Variants in SYT10 observed in about 807,000 individuals in gnomAD.
SYT10 encodes synaptotagmin-10.
A neutral mutation model predicts 51.1 loss-of-function variants in SYT10; 31 were observed. The ratio of observed to expected loss-of-function variants is 0.61; its 90% confidence interval spans 0.46 to 0.82. The LOEUF is 0.82. Ranked by LOEUF, SYT10 falls within the 40% of genes least tolerant of loss-of-function variation. SYT10 has a pLI of 0.00. For synonymous variants in SYT10, 233 were observed against 225.9 expected (o/e 1.03, Z -0.28); for missense variants, 603 against 634.0 (o/e 0.95, Z 0.53).
chr12:33,374,769 C>T lies in SYT10; in HGVS notation c.*2061G>A, dbSNP rs1432627409. ...AGAGTCTTCTGATTGGCCAATGGTT[C>T]ACATTTTTTCATCACAAGCATTGGC... is the stretch of plus-strand genomic sequence containing the variant. On this transcript the variant is annotated 3_prime_UTR_variant, in exon 7 of 7. Coordinates refer to ENST00000228567, the MANE Select transcript of SYT10 (RefSeq NM_198992.4). 3 of 151,844 alleles carry T rather than the reference C, an allele frequency of 2.0e-5. No individual in the cohort carries two copies. The highest frequency in any genetic ancestry group is 4.4e-5 in the Non-Finnish European group (3 of 67,848). The allele number at this position is 151,844 out of a possible 1,614,324, so 9.4% of individuals were successfully genotyped here.
At chr12:33,377,486 G>A (rs1866073224) in intron 6 of SYT10, among the ~76,000 whole-genome samples, 1 of 152,098 alleles carries the variant, frequency 6.6e-6, no homozygotes, top group Non-Finnish European at 1.5e-5. Flanking sequence ...AATGAGATGA[G>A]AACTGCGTTT....
intron 4 of SYT10, among the ~76,000 whole-genome samples, chr12:33,383,025 A>G (rs1377367790): frequency 6.6e-6 from 1 of 152,190 alleles, no homozygotes; most frequent in Non-Finnish European, 1.5e-5. Flanking sequence ...CGGGGGAAAA[A>G]TTTAGTTGGG....
intron 3 of SYT10, among the ~76,000 whole-genome samples, chr12:33,392,985 T>TAAAA (rs71068378): frequency 0.089 from 5,239 of 58,898 alleles, 353 homozygotes; most frequent in East Asian, 0.11. Flanking sequence ...TTTTTGCCAT[T>TAAAA]AAAAAAAAAA....
At chr12:33,394,431 C>A (rs1168722827) in intron 3 of SYT10, among the ~76,000 whole-genome samples, 1 of 152,110 alleles carries the variant, frequency 6.6e-6, no homozygotes, top group Non-Finnish European at 1.5e-5. Flanking sequence ...TTTAAGAAAT[C>A]TAAATATTAG....
At chr12:33,399,068 A>G (rs1479353438) in intron 3 of SYT10, among the ~76,000 whole-genome samples, 1 of 152,238 alleles carries the variant, frequency 6.6e-6, no homozygotes, top group Non-Finnish European at 1.5e-5. Flanking sequence ...TATAATCTTT[A>G]CCAGTACAAC....
At chr12:33,425,632 T>A (rs1022297800) in intron 2 of SYT10, among the ~76,000 whole-genome samples, 1 of 152,146 alleles carries the variant, frequency 6.6e-6, no homozygotes, top group African/African-American at 2.4e-5. Context: ...AAGTTTCATG[T>A]TTTTGGTATA....
intron 3 of SYT10, among the ~76,000 whole-genome samples, chr12:33,398,747 C>T (rs1591987096): frequency 6.6e-6 from 1 of 152,058 alleles, no homozygotes; most frequent in African/African-American, 2.4e-5. Context: ...TAAAATATAT[C>T]CTATGGCATA....
chr12:33,430,775 C>A (rs1405836158), intron 1 of SYT10, among the ~76,000 whole-genome samples: 1 of 152,062 alleles, frequency 6.6e-6, no homozygotes, highest in Admixed American at 6.6e-5. Flanking sequence ...TTGCTTATGG[C>A]ACCATTTCAT....
chr12:33,439,306 A>C, intron 1 of SYT10, 66 bp downstream of exon 1: 1 of 1,547,256 alleles, frequency 6.5e-7, no homozygotes, highest in Non-Finnish European at 8.7e-7. Flanking sequence ...AGAACCCCGG[A>C]GCTTGCAGCC....
intron 1 of SYT10, among the ~76,000 whole-genome samples, chr12:33,428,862 C>T (rs1274968866): frequency 8.1e-5 from 12 of 148,610 alleles, no homozygotes; most frequent in South Asian, 2.2e-4. Flanking sequence ...GCCGAGGTTG[C>T]GCCACTGCAC....
chr12:33,403,201 T>C (rs566375518), intron 3 of SYT10, among the ~76,000 whole-genome samples: 2 of 151,582 alleles, frequency 1.3e-5, no homozygotes, highest in Non-Finnish European at 2.9e-5. Flanking sequence ...AGAATATTTA[T>C]ATTTGTCATT....
At chr12:33,419,411 G>A (rs1440929430) in intron 2 of SYT10, among the ~76,000 whole-genome samples, 1 of 152,008 alleles carries the variant, frequency 6.6e-6, no homozygotes, top group Non-Finnish European at 1.5e-5. Context: ...TGACTAAATA[G>A]CAATTGAATA....
At chr12:33,419,076 G>A (rs1301095697) in intron 2 of SYT10, among the ~76,000 whole-genome samples, 2 of 151,986 alleles carry the variant, frequency 1.3e-5, no homozygotes, top group Non-Finnish European at 2.9e-5. Context: ...AGCCCTCCCA[G>A]ACTCCTCAAG....
At chr12:33,429,490 T>C (rs913222850) in intron 1 of SYT10, among the ~76,000 whole-genome samples, 11 of 152,242 alleles carry the variant, frequency 7.2e-5, no homozygotes, top group African/African-American at 2.7e-4. Flanking sequence ...AATAAAGTGA[T>C]ACTAGTCTGC....
intron 2 of SYT10, among the ~76,000 whole-genome samples, chr12:33,414,861 A>G (rs1246793983): frequency 6.6e-6 from 1 of 152,212 alleles, no homozygotes; most frequent in African/African-American, 2.4e-5. Flanking sequence ...TATAGTCAAC[A>G]TTAGTTGATG....
chr12:33,426,238 A>T lies in SYT10; in HGVS notation c.409T>A (p.Ser137Thr). 1 of 1,614,050 alleles carries T rather than the reference A, an allele frequency of 6.2e-7. No individual in the cohort carries two copies. Among genetic ancestry groups the T allele is most frequent in the Non-Finnish European group, 8.5e-7 (1 of 1,180,014 alleles). ...IEPAIKISHT[S>T]PDIPAEVQTA... is the part of the protein sequence containing the mutation. The stretch of plus-strand genomic sequence containing the variant: ...TGGACTTCTGCTGGGATGTCAGGGG[A>T]AGTGTGGCTGATTTTTATTGCAGGC... Residue 137 changes from serine (S) to threonine (T), a missense_variant, in exon 2 of 7, where the codon TCC becomes ACC. Transcript: ENST00000228567.
At chr12:33,426,013 C>T in intron 2 of SYT10, 125 bp downstream of exon 2, 1 of 948,850 alleles carries the variant, frequency 1.1e-6, no homozygotes, top group Non-Finnish European at 1.6e-6. Flanking sequence ...TTTCCCATTT[C>T]TCCTGTTTCT....
chr12:33,395,828 G>A (rs1866251064), intron 3 of SYT10, among the ~76,000 whole-genome samples: 1 of 151,788 alleles, frequency 6.6e-6, no homozygotes, highest in African/African-American at 2.4e-5. Flanking sequence ...TTCCAATTCT[G>A]TAAGCCAATA....
intron 3 of SYT10, among the ~76,000 whole-genome samples, chr12:33,400,431 T>G (rs1866292765): frequency 6.6e-6 from 1 of 152,204 alleles, no homozygotes; most frequent in Non-Finnish European, 1.5e-5. Flanking sequence ...ACTTGTCCTG[T>G]CAAGGTGTAC....
Sources: gnomAD v4.1 joint callset for allele counts (sites outside exome capture counted in the v4.1 genomes callset) on GRCh38, gnomAD v4.1.1 for gene constraint, MANE v1.5 for transcripts, NCBI Gene and HGNC (gene_info 2026-07-23, HGNC 2026-07-21) for gene names.